The following CDC42BPB variants were observed in gnomAD, a reference collection of about 807,000 sequenced individuals.
The protein encoded by CDC42BPB is CDC42 binding protein kinase beta.
CDC42BPB carries 37 observed loss-of-function variants against 214.9 expected under a neutral mutation model. The ratio of observed to expected loss-of-function variants is 0.17; its 90% CI spans 0.13 to 0.23. The LOEUF is 0.23. CDC42BPB is among the 10% of genes least tolerant of loss of function. The pLI, the probability that CDC42BPB is intolerant of heterozygous loss-of-function variation, is 1.00. For synonymous variants in CDC42BPB, 931 were observed against 884.0 expected (o/e 1.05, Z -0.94); for missense variants, 1,694 against 2,227.0 (o/e 0.76, Z 4.82).
At chr14:102,946,258 T>C (rs553817996) in intron 28 of CDC42BPB, among the ~76,000 whole-genome samples, 104 of 152,250 alleles carry the variant, frequency 6.8e-4, no homozygotes, top group Non-Finnish European at 1.1e-3. Flanking sequence ...CTCCTGACCT[T>C]GTGATCCGCC....
chr14:103,025,926 A>C (rs1288163240), intron 1 of CDC42BPB, among the ~76,000 whole-genome samples: 2 of 152,194 alleles, frequency 1.3e-5, no homozygotes, highest in African/African-American at 2.4e-5. Flanking sequence ...CATGAGACTC[A>C]GAAACAGACA....
At chr14:102,986,716 G>A (rs1257754269) in intron 5 of CDC42BPB, 136 bp from the exon 6 acceptor site, 1 of 1,358,402 alleles carries the variant, frequency 7.4e-7, no homozygotes, top group African/African-American at 1.5e-5. Flanking sequence ...CAGTACAAAT[G>A]CCTCTGTGTG....
At position 102,968,236 on chromosome 14, in the gene CDC42BPB, T is replaced by A. The variant is rs1189256363; in HGVS notation, c.2346+17A>T. 1 of 1,572,290 alleles carries A rather than the reference T, an allele frequency of 6.4e-7. No homozygotes were observed. Among genetic ancestry groups the A allele is most frequent in the African/African-American group, 1.4e-5 (1 of 73,968 alleles). On this transcript the variant is annotated intron_variant, in intron 16 of 36. Transcript: ENST00000361246. ...CTTCCACACAAAGTGCTAACTCAGG[T>A]ACTTTGAATTAATTACCTTTTCATT...
intron 5 of CDC42BPB, among the ~76,000 whole-genome samples, chr14:102,992,818 A>T (rs1180082406): frequency 1.3e-5 from 2 of 148,588 alleles, no homozygotes; most frequent in African/African-American, 2.5e-5. Context: ...AAAAATATAT[A>T]TTTTATTTAT....
chr14:103,026,201 T>C (rs1350705524), intron 1 of CDC42BPB, among the ~76,000 whole-genome samples: 2 of 151,616 alleles, frequency 1.3e-5, no homozygotes, highest in Non-Finnish European at 2.9e-5. Flanking sequence ...ATCAAGACCA[T>C]CCTGGCCAAC....
intron 1 of CDC42BPB, among the ~76,000 whole-genome samples, chr14:103,038,602 C>T (rs1887801875): frequency 6.6e-6 from 1 of 151,896 alleles, no homozygotes; most frequent in Admixed American, 6.6e-5. Flanking sequence ...GCTCGGCTTA[C>T]TGCAAACTCC....
At chr14:103,056,971 A>G in intron 1 of CDC42BPB, 28 bp downstream of exon 1, 1 of 1,341,926 alleles carries the variant, frequency 7.5e-7, no homozygotes. Context: ...GCAGAGCCGC[A>G]GGTCCGGCCC....
chr14:102,938,425 G>T lies in CDC42BPB; in HGVS notation c.4828-14C>A, dbSNP rs1891738427. ...GGGCACAGCACTCTGGGCAGAAATAGCAACACGTGAGCATGCTTGGTTGAC... is the reference window on the plus strand; with the variant it reads ...GGGCACAGCACTCTGGGCAGAAATATCAACACGTGAGCATGCTTGGTTGAC... On this transcript the variant is annotated splice_polypyrimidine_tract_variant and intron_variant, in intron 34 of 36. Transcript: ENST00000361246. 1 of 1,523,906 alleles carries T rather than the reference G, an allele frequency of 6.6e-7. No homozygotes were observed. 94.4% of individuals were successfully genotyped at this position (1,523,906 alleles called of 1,614,324 possible). A position where few individuals can be genotyped will look rare whatever the true frequency, so the allele number is the denominator to read the frequency against.
At chr14:102,978,798 G>A (rs1278575160) in intron 8 of CDC42BPB, among the ~76,000 whole-genome samples, 1 of 152,166 alleles carries the variant, frequency 6.6e-6, no homozygotes, top group Admixed American at 6.5e-5. Context: ...TTGAGACCAG[G>A]AGTTCAAGAT....
At chr14:103,027,741 G>A (rs1456119534) in intron 1 of CDC42BPB, among the ~76,000 whole-genome samples, 1 of 152,200 alleles carries the variant, frequency 6.6e-6, no homozygotes, top group African/African-American at 2.4e-5. Context: ...CTGCTAATGG[G>A]TACAAGGCTC....
At position 102,981,036 on chromosome 14, in the gene CDC42BPB, A is replaced by C; in HGVS notation, c.892-15T>G. On this transcript the variant is annotated splice_polypyrimidine_tract_variant and intron_variant, in intron 7 of 36. Coordinates refer to ENST00000361246, the MANE Select transcript of CDC42BPB (RefSeq NM_006035.4). Reference sequence around the variant, plus strand: ...TGGAATCGCTCCTGCAAGGGGTGGCAAAAACACCGGTGGACAGGTGGACGC... The same window carrying C: ...TGGAATCGCTCCTGCAAGGGGTGGCCAAAACACCGGTGGACAGGTGGACGC... 6.2e-7 allele frequency: 1 copy of C among 1,613,764 alleles called. No homozygotes were observed. The highest frequency in any genetic ancestry group is 8.5e-7 in the Non-Finnish European group (1 of 1,179,772).
intron 17 of CDC42BPB, among the ~76,000 whole-genome samples, chr14:102,966,753 G>A (rs1220458071): frequency 1.3e-5 from 2 of 152,236 alleles, no homozygotes; most frequent in South Asian, 2.1e-4. Flanking sequence ...TCTCCCTGCT[G>A]CTTCTGCAGC....
intron 13 of CDC42BPB, 87 bp from the exon 14 acceptor site, chr14:102,970,348 C>T: frequency 4.6e-6 from 7 of 1,509,996 alleles, no homozygotes; most frequent in Non-Finnish European, 5.3e-6. Flanking sequence ...TCCACAAGAA[C>T]AAGACCTCGA....
intron 13 of CDC42BPB, among the ~76,000 whole-genome samples, chr14:102,971,259 GA>G (rs1407194881): frequency 6.6e-6 from 1 of 152,198 alleles, no homozygotes; most frequent in African/African-American, 2.4e-5. Context: ...AATTTTTAAA[GA>G]AATAGTTACT....
At chr14:102,942,502 G>A (rs1296298981) in intron 30 of CDC42BPB, among the ~76,000 whole-genome samples, 2 of 152,216 alleles carry the variant, frequency 1.3e-5, no homozygotes, top group African/African-American at 4.8e-5. Context: ...GGATTTGATG[G>A]TGCAGGCCAC....
chr14:103,024,903 T>C (rs186168167), intron 1 of CDC42BPB, among the ~76,000 whole-genome samples: 48 of 152,314 alleles, frequency 3.2e-4, no homozygotes, highest in Non-Finnish European at 6.8e-4. Flanking sequence ...TTTTAATCCC[T>C]TGTTATTTGT....
Position 102,986,471 on chromosome 14 carries a change from C to A in CDC42BPB, c.690+16G>T. On this transcript the variant is annotated intron_variant, in intron 6 of 36. Transcript: ENST00000361246. ...AACCCAAAACCAAATGGAAAATCTC[C>A]AACAAAAATACCTACAGTGCCATCA... The A allele has an allele frequency of 1.3e-6, 2 of 1,599,780 alleles. No homozygotes were observed. The highest frequency in any genetic ancestry group is 1.3e-5 in the African/African-American group (1 of 74,712).
chr14:103,008,595 G>T, intron 2 of CDC42BPB, 40 bp from the exon 3 acceptor site: 2 of 1,591,304 alleles, frequency 1.3e-6, no homozygotes, highest in African/African-American at 1.3e-5. Flanking sequence ...TGCGGTTCTT[G>T]AACAAAAGGC....
chr14:103,035,946 G>A (rs1449659548), intron 1 of CDC42BPB, among the ~76,000 whole-genome samples: 2 of 151,942 alleles, frequency 1.3e-5, no homozygotes, highest in Non-Finnish European at 2.9e-5. Flanking sequence ...TAGCTCAGGA[G>A]TTCGAAACCA....
Sources: gnomAD v4.1 joint callset for allele counts (sites outside exome capture counted in the v4.1 genomes callset) on GRCh38, gnomAD v4.1.1 for gene constraint, MANE v1.5 for transcripts, NCBI Gene and HGNC (gene_info 2026-07-23, HGNC 2026-07-21) for gene names.